EIF2AK3: variants seen among roughly 807,000 people sequenced by gnomAD.
EIF2AK3 encodes eukaryotic translation initiation factor 2 alpha kinase 3, also known as eukaryotic translation initiation factor 2-alpha kinase 3.
A neutral mutation model predicts 113.5 loss-of-function variants in EIF2AK3; 50 were observed. The ratio of observed to expected loss-of-function variants is 0.44; its 90% CI spans 0.35 to 0.56. The LOEUF (loss-of-function observed/expected upper bound fraction) is 0.56. EIF2AK3 is among the 20% of genes least tolerant of loss of function. EIF2AK3 has a pLI of 0.00. For missense variants in EIF2AK3, 1,185 were observed against 1,378.0 expected, an observed-to-expected ratio of 0.86 and a Z score of 2.22; for synonymous variants, 448 against 495.4, an observed-to-expected ratio of 0.90 and a Z score of 1.27.
chr2:88,569,875 G>C (rs1303657157), intron 14 of EIF2AK3, among the ~76,000 whole-genome samples: 2 of 152,104 alleles, frequency 1.3e-5, no homozygotes, highest in African/African-American at 4.8e-5. Context: ...CTACATATCT[G>C]TGCGAGGCCA....
chr2:88,615,889 CAG>C (rs1442654235), intron 1 of EIF2AK3, among the ~76,000 whole-genome samples: 1 of 152,134 alleles, frequency 6.6e-6, no homozygotes, highest in Non-Finnish European at 1.5e-5. Context: ...TGGTTCTTGT[CAG>C]AGTCAAGAAT....
chr2:88,609,945 C>CGA (rs1675387670), intron 2 of EIF2AK3, among the ~76,000 whole-genome samples: 2 of 38,800 alleles, frequency 5.2e-5, no homozygotes, highest in Non-Finnish European at 9.7e-5. Context: ...TCCATCTCTA[C>CGA]AAAAAAAAAA....
upstream of EIF2AK3, chr2:88,627,913 G>A (rs1675919671): frequency 6.6e-6 from 1 of 152,364 alleles, no homozygotes; most frequent in Non-Finnish European, 1.5e-5. Flanking sequence ...CAAGTGAAGA[G>A]TGGGAGGCAA....
Position 88,559,057 on chromosome 2 carries a change from ATGAC to A in EIF2AK3, c.3088-82_3088-79del, listed in dbSNP as rs1300847326. 9.3e-6 allele frequency: 9 copies of A among 971,498 alleles called. No individual in the cohort carries two copies. In the African/African-American group the frequency reaches 9.8e-5, roughly 11 times the overall value. The allele number at this position is 971,498 out of a possible 1,614,324, so 60.2% of individuals were successfully genotyped here. A position where few individuals can be genotyped will look rare whatever the true frequency, so the allele number is the denominator to read the frequency against. ...AAATATTTTTTGATACTCTAACAAA[ATGAC>A]TAAGAGGTTGTACATCTATCAAATG... On this transcript the variant is annotated intron_variant, in intron 15 of 16. Transcript: ENST00000303236.
chr2:88,604,489 T>TTA (rs1234150381), intron 2 of EIF2AK3, among the ~76,000 whole-genome samples: 1 of 152,210 alleles, frequency 6.6e-6, no homozygotes, highest in East Asian at 1.9e-4. Context: ...CTTATGCTTG[T>TTA]TAGAGTCTTT....
intron 2 of EIF2AK3, among the ~76,000 whole-genome samples, chr2:88,604,476 G>A (rs377605263): frequency 1.3e-5 from 2 of 152,304 alleles, no homozygotes; most frequent in Middle Eastern, 3.4e-3. Flanking sequence ...GGCTAGGTAA[G>A]CACTTATGCT....
intron 14 of EIF2AK3, among the ~76,000 whole-genome samples, chr2:88,569,989 G>C (rs1249087423): frequency 6.6e-6 from 1 of 150,606 alleles, no homozygotes; most frequent in East Asian, 1.9e-4. Flanking sequence ...AAAGAGACTG[G>C]CAAAAATGTA....
Position 88,583,437 on chromosome 2 carries a change from T to A in EIF2AK3, c.1756A>T (p.Ile586Leu), listed in dbSNP as rs75385605. ...SWNDIKNSGY[I>L]SRYLTDFEPI... The stretch of plus-strand genomic sequence containing the variant: ...ATTTTATAAGACTCTTACCGTGATA[T>A]ATATCCAGAGTTTTTTATGTCATTC... Residue 586 changes from isoleucine (I) to leucine (L), a missense_variant, in exon 10 of 17, where the codon ATA (isoleucine) becomes TTA (leucine). Physicochemically the swap from Ile to Leu is conservative, Grantham distance 5 (BLOSUM62 2). Transcript: ENST00000303236. 2,819 of 1,609,122 alleles carry A rather than the reference T, an allele frequency of 1.8e-3. 42 individuals are homozygous for A. The African/African-American group carries it at 0.033, about 19-fold the overall frequency.
chr2:88,613,495 G>C (rs1408178660), intron 2 of EIF2AK3, among the ~76,000 whole-genome samples: 1 of 152,028 alleles, frequency 6.6e-6, no homozygotes, highest in African/African-American at 2.4e-5. Context: ...TCACTTATAG[G>C]ATTAACTCAC....
At chr2:88,586,694 T>G (rs755642268) in intron 8 of EIF2AK3, among the ~76,000 whole-genome samples, 8 of 150,372 alleles carry the variant, frequency 5.3e-5, no homozygotes, top group Non-Finnish European at 8.9e-5. Flanking sequence ...TGGACTCAGG[T>G]GATCCTCCTG....
intron 14 of EIF2AK3, among the ~76,000 whole-genome samples, chr2:88,564,856 T>C (rs894197652): frequency 6.6e-6 from 1 of 151,896 alleles, no homozygotes; most frequent in African/African-American, 2.4e-5. Flanking sequence ...AGGCAGGGAG[T>C]GAAGGGAGAA....
chr2:88,566,501 ATAGT>A (rs1474661728), intron 14 of EIF2AK3, among the ~76,000 whole-genome samples: 1 of 151,812 alleles, frequency 6.6e-6, no homozygotes, highest in African/African-American at 2.4e-5. Context: ...TATTGACCTG[ATAGT>A]TATTTTTAAA....
At chr2:88,587,297 T>C (rs1163996273) in intron 8 of EIF2AK3, among the ~76,000 whole-genome samples, 1 of 151,432 alleles carries the variant, frequency 6.6e-6, no homozygotes, top group African/African-American at 2.4e-5. Flanking sequence ...ATATAATAAC[T>C]TTCCAGTGCT....
chr2:88,577,253 G>T (rs942745614), intron 11 of EIF2AK3, among the ~76,000 whole-genome samples: 2 of 152,026 alleles, frequency 1.3e-5, no homozygotes, highest in African/African-American at 4.8e-5. Context: ...AAAGTGCTGG[G>T]ATTACAAGTG....
In EIF2AK3 at chr2:88,627,442, C is replaced by A. The variant is rs981005804; in HGVS notation, c.-168G>T. ...GGCCACGTCTCAGCCCGGCCTCTGC[C>A]GCTGCCACCTGAGTGACAGCCTATC... On this transcript the variant is annotated 5_prime_UTR_variant, in exon 1 of 17. Transcript: ENST00000303236. 6 of 807,162 alleles carry A rather than the reference C, an allele frequency of 7.4e-6. No homozygotes were observed. The highest frequency in any genetic ancestry group is 1.0e-5 in the Non-Finnish European group (6 of 588,948). 50.0% of individuals were successfully genotyped at this position (807,162 alleles called of 1,614,324 possible). A position where few individuals can be genotyped will look rare whatever the true frequency, so the allele number is the denominator to read the frequency against.
chr2:88,584,126 C>G (rs1327386854), intron 9 of EIF2AK3, among the ~76,000 whole-genome samples: 2 of 152,164 alleles, frequency 1.3e-5, no homozygotes, highest in Non-Finnish European at 2.9e-5. Context: ...CTGATTCTTT[C>G]AACAAATCTT....
chr2:88,602,451 A>G (rs1056601195), intron 2 of EIF2AK3, among the ~76,000 whole-genome samples: 1 of 152,176 alleles, frequency 6.6e-6, no homozygotes, highest in Admixed American at 6.5e-5. Flanking sequence ...TAAGAAAAAG[A>G]GTGTGGCAAG....
At chr2:88,574,593 G>A in intron 13 of EIF2AK3, 73 bp downstream of exon 13, 1 of 1,548,124 alleles carries the variant, frequency 6.5e-7, no homozygotes, top group Non-Finnish European at 8.8e-7. Flanking sequence ...ATCCTTCAGA[G>A]TACTGCAAGT....
chr2:88,606,425 A>C (rs973306772), intron 2 of EIF2AK3, among the ~76,000 whole-genome samples: 1 of 152,242 alleles, frequency 6.6e-6, no homozygotes, highest in Non-Finnish European at 1.5e-5. Flanking sequence ...GGATTAATAT[A>C]ACAAAATTAA....
Sources: allele counts gnomAD v4.1 joint callset (sites outside exome capture counted in the v4.1 genomes callset), GRCh38; gene constraint gnomAD v4.1.1; transcripts MANE v1.5; gene names NCBI Gene and HGNC (gene_info 2026-07-23, HGNC 2026-07-21).